The following ESCO1 variants were observed in gnomAD, a reference collection of about 807,000 sequenced individuals.
ESCO1 encodes the protein establishment of sister chromatid cohesion N-acetyltransferase 1, also known as N-acetyltransferase ESCO1.
A neutral mutation model predicts 83.5 loss-of-function variants in ESCO1; 33 were observed. That is an observed-to-expected ratio of 0.40 (90% CI 0.30 to 0.53). The LOEUF is 0.53. Among genes scored for constraint, ESCO1 ranks in the 20% least tolerant of loss-of-function variants. The probability of loss-of-function intolerance (pLI) is 0.63; values close to 1 mark genes in which losing one functional copy is unlikely to be tolerated. For missense variants in ESCO1, 855 were observed against 968.0 expected (o/e 0.88, Z 1.55); for synonymous variants, 332 against 324.3 (o/e 1.02, Z -0.25).
At chr18:21,559,067 G>C (rs899272263) in intron 8 of ESCO1, among the ~76,000 whole-genome samples, 4 of 152,198 alleles carry the variant, frequency 2.6e-5, no homozygotes, top group Non-Finnish European at 5.9e-5. Context: ...TTTAAGATAG[G>C]TACGTTTTCT....
chr18:21,554,204 G>A (rs1309548878), intron 8 of ESCO1, among the ~76,000 whole-genome samples: 1 of 152,166 alleles, frequency 6.6e-6, no homozygotes, highest in African/African-American at 2.4e-5. Context: ...AAATGCAAAA[G>A]AATACAGCAA....
intron 9 of ESCO1, among the ~76,000 whole-genome samples, chr18:21,539,363 T>C (rs1334940429): frequency 6.6e-6 from 1 of 152,194 alleles, no homozygotes; most frequent in African/African-American, 2.4e-5. Context: ...ACTCAAATTA[T>C]TAACTACTAC....
intron 1 of ESCO1, among the ~76,000 whole-genome samples, chr18:21,594,065 C>G (rs2038725332): frequency 6.6e-6 from 1 of 152,220 alleles, no homozygotes; most frequent in African/African-American, 2.4e-5. Context: ...GCCCCGACCT[C>G]CATCCACTAG....
At chr18:21,559,577 C>T (rs191303405) in intron 8 of ESCO1, among the ~76,000 whole-genome samples, 2 of 152,170 alleles carry the variant, frequency 1.3e-5, no homozygotes, top group African/African-American at 4.8e-5. Context: ...GAATAATGTA[C>T]ACTGAGTAGA....
intron 1 of ESCO1, among the ~76,000 whole-genome samples, chr18:21,594,406 T>G (rs1345825939): frequency 2.0e-5 from 3 of 152,236 alleles, no homozygotes; most frequent in Non-Finnish European, 4.4e-5. Context: ...TTCTCTTATT[T>G]CTACATATCC....
At chr18:21,571,986 A>C (rs1598469538) in intron 4 of ESCO1, among the ~76,000 whole-genome samples, 2 of 152,218 alleles carry the variant, frequency 1.3e-5, no homozygotes, top group East Asian at 3.8e-4. Context: ...TCTGGAATAA[A>C]GCCCAGACTC....
chr18:21,555,755 T>C (rs1431320880), intron 8 of ESCO1, among the ~76,000 whole-genome samples: 1 of 152,000 alleles, frequency 6.6e-6, no homozygotes, highest in African/African-American at 2.4e-5. Context: ...TAAGCCATGA[T>C]TGTGCCACTG....
chr18:21,555,691 G>A (rs1199300676), intron 8 of ESCO1, among the ~76,000 whole-genome samples: 1 of 152,004 alleles, frequency 6.6e-6, no homozygotes, highest in Non-Finnish European at 1.5e-5. Flanking sequence ...AGTGGCAGCT[G>A]CTCAGGATGG....
At chr18:21,568,391 G>C (rs185121644) in intron 4 of ESCO1, among the ~76,000 whole-genome samples, 1 of 152,170 alleles carries the variant, frequency 6.6e-6, no homozygotes, top group East Asian at 1.9e-4. Flanking sequence ...TTTGAAGCCA[G>C]CCTGGACAAC....
intron 1 of ESCO1, among the ~76,000 whole-genome samples, chr18:21,587,887 G>A (rs974884460): frequency 1.3e-5 from 2 of 151,942 alleles, no homozygotes; most frequent in Admixed American, 6.6e-5. Flanking sequence ...GGGCAACACA[G>A]CAAAACGTCA....
intron 3 of ESCO1, 95 bp downstream of exon 3, chr18:21,575,577 A>T: frequency 5.0e-6 from 2 of 398,296 alleles, no homozygotes; most frequent in Non-Finnish European, 8.9e-6. Context: ...TAACAGAACG[A>T]AGTATCCCAA....
chr18:21,564,130 T>C (rs902556292), intron 7 of ESCO1, 73 bp downstream of exon 7: 20 of 981,364 alleles, frequency 2.0e-5, no homozygotes, highest in Non-Finnish European at 2.9e-5. Flanking sequence ...TCAGATATCG[T>C]ATTATAGCAA....
At chr18:21,538,002 T>TAA (rs530277173) in intron 9 of ESCO1, among the ~76,000 whole-genome samples, 1 of 136,844 alleles carries the variant, frequency 7.3e-6, no homozygotes, top group South Asian at 2.3e-4. Context: ...CCTAGAAACA[T>TAA]AAAAAAAAAA....
At chr18:21,538,047 T>C (rs369684516) in intron 9 of ESCO1, among the ~76,000 whole-genome samples, 86 of 151,734 alleles carry the variant, frequency 5.7e-4, no homozygotes, top group African/African-American at 1.9e-3. Flanking sequence ...CATGAATGCA[T>C]AGAATATATG....
intron 8 of ESCO1, among the ~76,000 whole-genome samples, chr18:21,552,320 C>T (rs1251967026): frequency 6.6e-6 from 1 of 152,190 alleles, no homozygotes; most frequent in Non-Finnish European, 1.5e-5. Flanking sequence ...ATAATCCCCA[C>T]GTGTCATGGG....
chr18:21,597,201 A>AACTT (rs1249577675), intron 1 of ESCO1, among the ~76,000 whole-genome samples: 1 of 152,202 alleles, frequency 6.6e-6, no homozygotes, highest in Non-Finnish European at 1.5e-5. Flanking sequence ...ACCCCACCCA[A>AACTT]CATACTGGTC....
intron 11 of ESCO1, among the ~76,000 whole-genome samples, chr18:21,532,249 C>G (rs975802005): frequency 6.6e-6 from 1 of 152,182 alleles, no homozygotes; most frequent in Non-Finnish European, 1.5e-5. Flanking sequence ...TAAGTCGAAA[C>G]AGCTTAATAT....
intron 7 of ESCO1, among the ~76,000 whole-genome samples, chr18:21,563,067 C>G (rs2038210369): frequency 6.6e-6 from 1 of 151,872 alleles, no homozygotes; most frequent in South Asian, 2.1e-4. Flanking sequence ...GATGGGCTTT[C>G]TCGGTGTTGG....
intron 8 of ESCO1, among the ~76,000 whole-genome samples, chr18:21,551,152 T>C (rs966281058): frequency 6.7e-6 from 1 of 148,566 alleles, no homozygotes; most frequent in East Asian, 2.0e-4. Flanking sequence ...CATGTTTTTT[T>C]AAAAGACACT....
Sources: gnomAD v4.1 joint callset for allele counts (sites outside exome capture counted in the v4.1 genomes callset) on GRCh38, gnomAD v4.1.1 for gene constraint, MANE v1.5 for transcripts, NCBI Gene and HGNC (gene_info 2026-07-23, HGNC 2026-07-21) for gene names.